RANBP17: variants seen among roughly 807,000 people sequenced by gnomAD.
RANBP17 encodes ran-binding protein 17.
A neutral mutation model predicts 141.2 loss-of-function variants in RANBP17; 158 were observed. The observed-to-expected ratio is 1.12, with a 90% confidence interval of 0.98 to 1.28. The LOEUF (loss-of-function observed/expected upper bound fraction) is 1.28. Ranked by LOEUF, RANBP17 falls within the 50% of genes most tolerant of loss-of-function variation. The pLI, the probability that RANBP17 is intolerant of heterozygous loss-of-function variation, is 0.00. For missense variants in RANBP17, 1,438 were observed against 1,290.7 expected (o/e 1.11, Z -1.75); for synonymous variants, 430 against 450.0 (o/e 0.96, Z 0.56).
chr5:171,271,726 C>T (rs907621580), intron 25 of RANBP17: 14 of 211,686 alleles, frequency 6.6e-5, no homozygotes, highest in African/African-American at 2.0e-4. Flanking sequence ...CAGGTAATAA[C>T]GGATTTAAAA....
intron 14 of RANBP17, among the ~76,000 whole-genome samples, chr5:171,096,878 G>C (rs1251300962): frequency 2.6e-5 from 4 of 152,076 alleles, no homozygotes; most frequent in Non-Finnish European, 5.9e-5. Flanking sequence ...ATGTTTCTAA[G>C]ATCTTAGAGA....
intron 25 of RANBP17, chr5:171,271,078 T>C (rs1294017897): frequency 3.6e-4 from 17 of 47,014 alleles, no homozygotes; most frequent in Admixed American, 5.1e-4. Context: ...GTTATTTCTT[T>C]TTTTTTTTTT....
In RANBP17 at chr5:171,255,592, T is replaced by G. The variant is rs539111368; in HGVS notation, c.2777-10089T>G. ...GGACTGTGGGGTGACAGTTTTACAT[T>G]TACTTTTTCTTCTTAATGCAGCTGG... On this transcript the variant is annotated intron_variant, in intron 24 of 27. Coordinates refer to ENST00000523189, the MANE Select transcript of RANBP17 (RefSeq NM_022897.5). Among the ~76,000 whole-genome samples the G allele has an allele frequency of 3.2e-4, 49 of 152,310 alleles. No individual in the cohort carries two copies. In the South Asian group the frequency reaches 4.6e-3, roughly 14 times the overall value.
At chr5:171,057,454 A>G (rs79700160) in intron 14 of RANBP17, among the ~76,000 whole-genome samples, 8 of 152,096 alleles carry the variant, frequency 5.3e-5, no homozygotes, top group Non-Finnish European at 1.2e-4. Context: ...TCTCCTGGAA[A>G]TCATTCCATT....
chr5:170,905,084 TA>T (rs940094536), intron 5 of RANBP17, among the ~76,000 whole-genome samples: 7 of 152,164 alleles, frequency 4.6e-5, no homozygotes, highest in African/African-American at 1.7e-4. Context: ...ATGTTTATAT[TA>T]AAAAACAAAA....
intron 14 of RANBP17, among the ~76,000 whole-genome samples, chr5:171,047,488 G>C (rs947133891): frequency 1.4e-5 from 2 of 146,608 alleles, no homozygotes; most frequent in African/African-American, 5.0e-5. Context: ...CCAGGCTGGA[G>C]TGCAGTGGTG....
At chr5:171,216,857 CAG>C (rs1763252299) in intron 21 of RANBP17, among the ~76,000 whole-genome samples, 1 of 152,198 alleles carries the variant, frequency 6.6e-6, no homozygotes, top group African/African-American at 2.4e-5. Context: ...CATCGGCAAA[CAG>C]AGACAATTTG....
intron 19 of RANBP17, among the ~76,000 whole-genome samples, chr5:171,205,182 A>G (rs1762502319): frequency 6.6e-6 from 1 of 152,208 alleles, no homozygotes; most frequent in Non-Finnish European, 1.5e-5. Flanking sequence ...CTGTTATTAA[A>G]TAATGTCTAG....
intron 5 of RANBP17, chr5:170,903,956 A>G (rs1770869228): frequency 4.0e-6 from 2 of 505,192 alleles, no homozygotes; most frequent in South Asian, 1.6e-5. Context: ...TAACACCTCT[A>G]TACACACTGG....
At chr5:170,953,556 T>A in intron 12 of RANBP17, 41 bp from the exon 13 acceptor site, 1 of 1,337,952 alleles carries the variant, frequency 7.5e-7, no homozygotes, top group South Asian at 1.2e-5. Context: ...TACGTTTCTA[T>A]GAATACTTAC....
At chr5:171,089,745 C>T (rs915141755) in intron 14 of RANBP17, among the ~76,000 whole-genome samples, 2 of 152,180 alleles carry the variant, frequency 1.3e-5, no homozygotes, top group African/African-American at 4.8e-5. Flanking sequence ...TCACCCCTTT[C>T]TTTGACTCGG....
At chr5:171,222,886 CCCAAAGTAATGGGATTACAGGCATGAG>C (rs1368025221) in intron 22 of RANBP17, among the ~76,000 whole-genome samples, 1 of 152,184 alleles carries the variant, frequency 6.6e-6, no homozygotes, top group Non-Finnish European at 1.5e-5. Flanking sequence ...ACCTCAGCCT[CCCAAAGTAATGGGATTACAGGCATGAG>C]CCACTGCACC....
At chr5:171,125,728 T>G (rs1756402345) in intron 14 of RANBP17, among the ~76,000 whole-genome samples, 2 of 152,174 alleles carry the variant, frequency 1.3e-5, no homozygotes, top group African/African-American at 4.8e-5. Flanking sequence ...GTTCTTTTTA[T>G]CAGCACTTGG....
chr5:171,295,534 C>T (rs903836395), intron 26 of RANBP17, among the ~76,000 whole-genome samples: 13 of 152,128 alleles, frequency 8.5e-5, no homozygotes, highest in Non-Finnish European at 1.8e-4. Context: ...TTATTTTCTT[C>T]AGTCTGGGGG....
chr5:171,228,888 C>T (rs1581072590), intron 22 of RANBP17, among the ~76,000 whole-genome samples: 1 of 151,972 alleles, frequency 6.6e-6, no homozygotes, highest in Non-Finnish European at 1.5e-5. Flanking sequence ...GCACACTTAA[C>T]AGACTACAGT....
intron 1 of RANBP17, among the ~76,000 whole-genome samples, chr5:170,874,919 G>A (rs114757218): frequency 0.027 from 4,045 of 152,222 alleles, 163 homozygotes; most frequent in African/African-American, 0.092. Flanking sequence ...CTTCTTCATG[G>A]TGTCCTTGGT....
chr5:171,226,404 C>T (rs1763879600), intron 22 of RANBP17, among the ~76,000 whole-genome samples: 1 of 152,038 alleles, frequency 6.6e-6, no homozygotes, highest in Non-Finnish European at 1.5e-5. Context: ...GATTTAAGAA[C>T]GCAATATATA....
At chr5:171,051,814 T>C (rs1782969240) in intron 14 of RANBP17, among the ~76,000 whole-genome samples, 1 of 152,218 alleles carries the variant, frequency 6.6e-6, no homozygotes, top group Non-Finnish European at 1.5e-5. Context: ...TCAAACTATT[T>C]TCCATGATGG....
At chr5:171,149,149 TG>T (rs1290804925) in intron 14 of RANBP17, among the ~76,000 whole-genome samples, 2 of 152,236 alleles carry the variant, frequency 1.3e-5, no homozygotes, top group African/African-American at 4.8e-5. Flanking sequence ...CCCTGGCCAC[TG>T]TACAAAGGCC....
Sources: gnomAD v4.1 joint callset for allele counts (sites outside exome capture counted in the v4.1 genomes callset) on GRCh38, gnomAD v4.1.1 for gene constraint, MANE v1.5 for transcripts, NCBI Gene and HGNC (gene_info 2026-07-23, HGNC 2026-07-21) for gene names.